AVEN: variants seen among roughly 807,000 people sequenced by gnomAD.
AVEN encodes the protein apoptosis and caspase activation inhibitor, also known as cell death regulator Aven.
A neutral mutation model predicts 38.1 loss-of-function variants in AVEN; 41 were observed. The ratio of observed to expected loss-of-function variants is 1.08; its 90% CI spans 0.84 to 1.40. The LOEUF is 1.40. Ranked by LOEUF, AVEN falls within the 40% of genes most tolerant of loss-of-function variation. AVEN has a pLI of 0.00. For synonymous variants in AVEN, 206 were observed against 171.8 expected, an observed-to-expected ratio of 1.20 and a Z score of -1.56; for missense variants, 605 against 438.8, an observed-to-expected ratio of 1.38 and a Z score of -3.38.
chr15:34,014,708 C>T (rs1341369802), intron 1 of AVEN, among the ~76,000 whole-genome samples: 2 of 152,232 alleles, frequency 1.3e-5, no homozygotes, highest in African/African-American at 2.4e-5. Context: ...TTCAGCGGGC[C>T]CATCTGGGAA....
chr15:33,918,096 TCTA>T (rs200146011), intron 2 of AVEN, among the ~76,000 whole-genome samples: 1,654 of 152,354 alleles, frequency 0.011, 20 homozygotes, highest in Non-Finnish European at 0.013. Context: ...TTCACTTTTT[TCTA>T]CTTTTTATTT....
chr15:33,980,853 T>C (rs529672), intron 2 of AVEN, among the ~76,000 whole-genome samples: 123,335 of 152,158 alleles, frequency 0.81, 54,750 homozygotes, highest in Non-Finnish European at 0.98. Context: ...AATACCATTC[T>C]GACTTCAAAA....
At chr15:33,887,676 A>G (rs902140990) in intron 2 of AVEN, among the ~76,000 whole-genome samples, 12 of 152,238 alleles carry the variant, frequency 7.9e-5, no homozygotes, top group African/African-American at 2.4e-4. Context: ...TACATGAAAC[A>G]GAAAAAAAGA....
chr15:34,069,750 T>C (rs1360954160), intron 2 of AVEN, among the ~76,000 whole-genome samples: 2 of 152,210 alleles, frequency 1.3e-5, no homozygotes, highest in Non-Finnish European at 2.9e-5. Context: ...TTGTTAATTT[T>C]TTTGATTCAG....
chr15:33,933,580 G>T (rs1016443889), intron 2 of AVEN, among the ~76,000 whole-genome samples: 1 of 134,500 alleles, frequency 7.4e-6, no homozygotes, highest in Non-Finnish European at 1.6e-5. Context: ...GAGAGAGAGA[G>T]AACTGAGGCA....
Position 33,940,507 on chromosome 15 carries a change from C to T in AVEN, c.445+62525G>A, listed in dbSNP as rs148903385. On this transcript the variant is annotated intron_variant, in intron 2 of 5. Transcript: ENST00000306730. ...ATAAAACTGGGAAGCAGGTTGCACA[C>T]ATAAAGTTTAGTTGAAATGTCTTTG... Among the ~76,000 whole-genome samples the T allele has an allele frequency of 2.5e-3, 378 of 152,148 alleles. 2 individuals carry two copies. The highest frequency in any genetic ancestry group is 4.3e-3 in the Non-Finnish European group (291 of 67,984).
At chr15:33,857,736 A>C (rs1423861378), downstream of AVEN, 2 of 1,611,434 alleles carry the variant, frequency 1.2e-6, no homozygotes, top group Non-Finnish European at 1.7e-6. Context: ...TTCAAGGTAG[A>C]GAAGACCCCA....
downstream of AVEN, chr15:33,854,409 A>G: frequency 1.3e-6 from 2 of 1,575,890 alleles, no homozygotes; most frequent in Non-Finnish European, 1.7e-6. Context: ...ATAGACATGA[A>G]GTACCATATC....
At chr15:34,036,033 T>A (rs1899105529) in intron 1 of AVEN, among the ~76,000 whole-genome samples, 1 of 152,014 alleles carries the variant, frequency 6.6e-6, no homozygotes, top group East Asian at 1.9e-4. Flanking sequence ...CAGACTCAAG[T>A]GACCCACCCA....
chr15:33,933,434 T>C (rs1893923784), intron 2 of AVEN, among the ~76,000 whole-genome samples: 1 of 151,352 alleles, frequency 6.6e-6, no homozygotes, highest in African/African-American at 2.4e-5. Context: ...CCCCTCTCTA[T>C]GGAAACACTC....
At chr15:33,986,752 G>T (rs1896490588) in intron 2 of AVEN, among the ~76,000 whole-genome samples, 1 of 147,004 alleles carries the variant, frequency 6.8e-6, no homozygotes, top group African/African-American at 2.4e-5. Flanking sequence ...CGCCTCCCAG[G>T]TTCAAGCGAT....
chr15:33,877,291 G>C (rs1373864950), intron 2 of AVEN, among the ~76,000 whole-genome samples: 1 of 152,066 alleles, frequency 6.6e-6, no homozygotes, highest in East Asian at 1.9e-4. Flanking sequence ...TAACACCATG[G>C]TCATCTAACA....
chr15:34,053,319 A>AAAAAAAATATATATATATAT (rs775436850), intron 5 of AVEN, among the ~76,000 whole-genome samples: 3 of 42,064 alleles, frequency 7.1e-5, no homozygotes, highest in African/African-American at 2.4e-4. Flanking sequence ...AAAAAAAAAA[A>AAAAAAAATATATATATATAT]ATATATATAT....
intron 2 of AVEN, among the ~76,000 whole-genome samples, chr15:33,877,261 T>A (rs1052908962): frequency 5.3e-5 from 8 of 152,280 alleles, no homozygotes; most frequent in African/African-American, 1.7e-4. Flanking sequence ...AAAGCCAGGA[T>A]TATACCTAAA....
rs545965245 is a variant in AVEN at position 34,030,071 on chromosome 15, T to C, written c.267+8709A>G. Among the ~76,000 whole-genome samples, 3 of 152,062 alleles carry C rather than the reference T, an allele frequency of 2.0e-5. No homozygotes were observed. In the East Asian group the frequency reaches 5.8e-4, roughly 30 times the overall value. On this transcript the variant is annotated intron_variant, in intron 1 of 5. Transcript: ENST00000306730. ...GAGTTCGAGCCCAGCCTGGCCAACA[T>C]GGTGCGACCCCATCTCTACTAAAAA...
chr15:33,991,071 T>C (rs1399025469), intron 2 of AVEN: 3 of 152,156 alleles, frequency 2.0e-5, no homozygotes, highest in African/African-American at 7.2e-5. Flanking sequence ...TGGATGCAAC[T>C]CCTGATGACA....
chr15:33,861,005 T>C lies in AVEN; in HGVS notation n.2730-1911A>G, dbSNP rs950817973. On this transcript the variant is annotated intron_variant and non_coding_transcript_variant, in intron 11 of 11. Transcript: ENST00000675287. Reference sequence around the variant, plus strand: ...AAGTTTTCATTATCCTTCAATTCGATAGAATCATGACAGTTTTCTCTCCTG... The same window carrying C: ...AAGTTTTCATTATCCTTCAATTCGACAGAATCATGACAGTTTTCTCTCCTG... The C allele has an allele frequency of 1.1e-4, 127 of 1,160,856 alleles. No individual in the cohort carries two copies. The African/African-American group carries it at 1.5e-3, about 14-fold the overall frequency. 71.9% of individuals were successfully genotyped at this position (1,160,856 alleles called of 1,614,324 possible). A position where few individuals can be genotyped will look rare whatever the true frequency, so the allele number is the denominator to read the frequency against.
At chr15:33,882,480 A>G (rs568876195) in intron 2 of AVEN, among the ~76,000 whole-genome samples, 2 of 152,206 alleles carry the variant, frequency 1.3e-5, no homozygotes, top group South Asian at 4.1e-4. Flanking sequence ...AGTCAACTAC[A>G]TTGCTCTATT....
At chr15:34,068,408 T>C (rs1192807147) in intron 2 of AVEN, among the ~76,000 whole-genome samples, 1 of 152,090 alleles carries the variant, frequency 6.6e-6, no homozygotes, top group African/African-American at 2.4e-5. Flanking sequence ...GGTTTCACCA[T>C]GGTGCTCAAG....
Sources: allele counts gnomAD v4.1 joint callset (sites outside exome capture counted in the v4.1 genomes callset), GRCh38; gene constraint gnomAD v4.1.1; transcripts MANE v1.5; gene names NCBI Gene and HGNC (gene_info 2026-07-23, HGNC 2026-07-21).